The following PUM2 variants were observed in gnomAD, a reference collection of about 807,000 sequenced individuals.
PUM2 encodes the protein pumilio RNA binding family member 2.
PUM2 carries 57 observed loss-of-function variants against 124.5 expected under a neutral mutation model. The observed-to-expected ratio is 0.46, with a 90% CI of 0.37 to 0.57. The LOEUF is 0.57. PUM2 is among the 20% of genes least tolerant of loss of function. The probability of loss-of-function intolerance (pLI) is 0.00; values close to 1 mark genes in which losing one functional copy is unlikely to be tolerated. For missense variants in PUM2, 1,065 were observed against 1,290.6 expected, an observed-to-expected ratio of 0.83 and a Z score of 2.68; for synonymous variants, 460 against 446.1, an observed-to-expected ratio of 1.03 and a Z score of -0.39.
intron 12 of PUM2, among the ~76,000 whole-genome samples, chr2:20,280,724 C>T (rs992158822): frequency 6.6e-6 from 1 of 152,072 alleles, no homozygotes; most frequent in African/African-American, 2.4e-5. Flanking sequence ...AAATTATCTC[C>T]AACAGTATGA....
chr2:20,257,408 C>G (rs932581945), intron 16 of PUM2, among the ~76,000 whole-genome samples: 3 of 152,140 alleles, frequency 2.0e-5, no homozygotes, highest in Non-Finnish European at 4.4e-5. Context: ...CAAAGATAAT[C>G]TCTTTCCAAA....
intron 3 of PUM2, among the ~76,000 whole-genome samples, chr2:20,313,656 C>A (rs1017687764): frequency 1.3e-5 from 2 of 151,714 alleles, no homozygotes; most frequent in African/African-American, 4.8e-5. Flanking sequence ...ATGATGAGTT[C>A]CCATCTCTAC....
upstream of PUM2, among the ~76,000 whole-genome samples, chr2:20,351,085 C>A (rs1021696941): frequency 1.3e-5 from 2 of 152,212 alleles, no homozygotes; most frequent in African/African-American, 4.8e-5. Context: ...TCCGCCGCGG[C>A]GGGCTCGGAG....
At chr2:20,302,839 A>G (rs1677323137) in intron 7 of PUM2, among the ~76,000 whole-genome samples, 1 of 152,234 alleles carries the variant, frequency 6.6e-6, no homozygotes, top group Non-Finnish European at 1.5e-5. Flanking sequence ...GAAACTCTCT[A>G]AGATAACAAA....
intron 7 of PUM2, among the ~76,000 whole-genome samples, chr2:20,300,828 T>TG (rs1315125929): frequency 6.6e-6 from 1 of 151,244 alleles, no homozygotes; most frequent in East Asian, 1.9e-4. Context: ...CCTCACAGTT[T>TG]GCCCTCAAGG....
intron 1 of PUM2, among the ~76,000 whole-genome samples, chr2:20,335,163 A>T (rs1401162491): frequency 6.6e-6 from 1 of 152,156 alleles, no homozygotes; most frequent in Non-Finnish European, 1.5e-5. Flanking sequence ...GGGCTCAAGC[A>T]GCCCTCCTGC....
At chr2:20,311,394 A>G in intron 5 of PUM2, 100 bp downstream of exon 5, 1 of 1,314,722 alleles carries the variant, frequency 7.6e-7, no homozygotes, top group South Asian at 1.7e-5. Context: ...TTCAAAGGAA[A>G]TAAACCTAAA....
chr2:20,268,238 T>G (rs974510668), intron 13 of PUM2, among the ~76,000 whole-genome samples: 1 of 152,198 alleles, frequency 6.6e-6, no homozygotes. Context: ...TAGAAGAGTA[T>G]GGGGACTAAT....
At chr2:20,273,664 A>G (rs960981617) in intron 13 of PUM2, among the ~76,000 whole-genome samples, 1 of 152,192 alleles carries the variant, frequency 6.6e-6, no homozygotes. Flanking sequence ...TTCTAGGTCT[A>G]CCAGAGGGTT....
intron 3 of PUM2, among the ~76,000 whole-genome samples, chr2:20,315,882 A>G (rs1012474172): frequency 6.6e-6 from 1 of 151,670 alleles, no homozygotes; most frequent in African/African-American, 2.4e-5. Context: ...AAAGATAAAA[A>G]CTTTTTTAAA....
At chr2:20,284,667 T>C (rs1395425522) in intron 10 of PUM2, among the ~76,000 whole-genome samples, 1 of 152,196 alleles carries the variant, frequency 6.6e-6, no homozygotes. Flanking sequence ...TATACTGAAA[T>C]ACATTCCAAC....
chr2:20,320,324 T>C (rs1202494159), intron 2 of PUM2, among the ~76,000 whole-genome samples: 2 of 152,046 alleles, frequency 1.3e-5, no homozygotes, highest in Admixed American at 6.6e-5. Flanking sequence ...CTGAGACACC[T>C]TGGAGTCAAA....
chr2:20,305,370 T>C (rs1677970365), intron 7 of PUM2, among the ~76,000 whole-genome samples: 1 of 136,044 alleles, frequency 7.4e-6, no homozygotes, highest in African/African-American at 2.8e-5. Context: ...CCAAGCTATG[T>C]GGGAGGCTGA....
At chr2:20,339,244 G>A (rs1032760541) in intron 1 of PUM2, among the ~76,000 whole-genome samples, 5 of 152,002 alleles carry the variant, frequency 3.3e-5, no homozygotes, top group Non-Finnish European at 7.3e-5. Flanking sequence ...CTGCATGCAA[G>A]GTGGTACATA....
At chr2:20,284,223 T>C (rs1235608166) in intron 10 of PUM2, among the ~76,000 whole-genome samples, 2 of 152,226 alleles carry the variant, frequency 1.3e-5, no homozygotes, top group South Asian at 2.1e-4. Flanking sequence ...GTTAGCTATA[T>C]ACACTGTGGA....
chr2:20,311,437 A>G, intron 5 of PUM2, 57 bp downstream of exon 5: 1 of 1,471,268 alleles, frequency 6.8e-7, no homozygotes, highest in Admixed American at 2.2e-5. Context: ...CACATCAACT[A>G]ATAGTAATAA....
intron 13 of PUM2, among the ~76,000 whole-genome samples, chr2:20,274,916 C>A: frequency 1.0e-5 from 1 of 96,544 alleles, no homozygotes; most frequent in African/African-American, 3.8e-5. Context: ...TAAGGCAATA[C>A]TAGAAATATT....
intron 14 of PUM2, among the ~76,000 whole-genome samples, chr2:20,262,496 G>T (rs1356762099): frequency 1.3e-5 from 2 of 152,138 alleles, no homozygotes; most frequent in African/African-American, 4.8e-5. Context: ...GGTTTGCATA[G>T]GTACACTCTT....
chr2:20,314,239 T>C (rs1050972733), intron 3 of PUM2, among the ~76,000 whole-genome samples: 2 of 152,142 alleles, frequency 1.3e-5, no homozygotes, highest in Non-Finnish European at 1.5e-5. Context: ...ACTGGATAGA[T>C]CAGAACTCAC....
Sources: gnomAD v4.1 joint callset for allele counts (sites outside exome capture counted in the v4.1 genomes callset) on GRCh38, gnomAD v4.1.1 for gene constraint, MANE v1.5 for transcripts, NCBI Gene and HGNC (gene_info 2026-07-23, HGNC 2026-07-21) for gene names.